Variants in SMYD3 observed in about 807,000 individuals in gnomAD.
SMYD3 encodes the protein SET and MYND domain containing 3, also known as histone-lysine N-methyltransferase SMYD3.
SMYD3 carries 36 observed loss-of-function variants against 57.7 expected under a neutral mutation model. The ratio of observed to expected loss-of-function variants is 0.62; its 90% CI spans 0.48 to 0.82. The LOEUF (loss-of-function observed/expected upper bound fraction) is 0.82. Ranked by LOEUF, SMYD3 falls within the 40% of genes least tolerant of loss-of-function variation. The probability of loss-of-function intolerance (pLI) is 0.00; values close to 1 mark genes in which losing one functional copy is unlikely to be tolerated. For missense variants in SMYD3, 515 were observed against 538.8 expected, an observed-to-expected ratio of 0.96 and a Z score of 0.44; for synonymous variants, 211 against 195.0, an observed-to-expected ratio of 1.08 and a Z score of -0.68.
intron 10 of SMYD3, among the ~76,000 whole-genome samples, chr1:245,842,496 C>A (rs9728248): frequency 0.35 from 53,095 of 151,916 alleles, 10,532 homozygotes; most frequent in East Asian, 0.86. Context: ...CTGGAAACCA[C>A]TACTCAACAG....
At chr1:246,354,830 C>A (rs1269834594) in intron 2 of SMYD3, among the ~76,000 whole-genome samples, 1 of 151,958 alleles carries the variant, frequency 6.6e-6, no homozygotes, top group Non-Finnish European at 1.5e-5. Context: ...ACACACACAC[C>A]CAATTTTTAA....
chr1:246,455,550 C>T (rs1166786148), intron 1 of SMYD3, among the ~76,000 whole-genome samples: 1 of 152,188 alleles, frequency 6.6e-6, no homozygotes, highest in Non-Finnish European at 1.5e-5. Flanking sequence ...GACACTGAGC[C>T]TCCAAATGCT....
At chr1:246,477,196 G>A (rs72760831) in intron 1 of SMYD3, among the ~76,000 whole-genome samples, 33,903 of 151,964 alleles carry the variant, frequency 0.22, 3,897 homozygotes, top group Middle Eastern at 0.29. Context: ...TCCCTTTTAA[G>A]GACTATTCAG....
chr1:246,212,367 G>A (rs1211084304), intron 5 of SMYD3, among the ~76,000 whole-genome samples: 6 of 152,010 alleles, frequency 3.9e-5, no homozygotes, highest in African/African-American at 1.5e-4. Flanking sequence ...TATGATAAAT[G>A]AGTACCATTA....
intron 5 of SMYD3, among the ~76,000 whole-genome samples, chr1:246,283,754 G>A (rs926579016): frequency 3.3e-5 from 5 of 152,054 alleles, no homozygotes; most frequent in East Asian, 1.9e-4. Context: ...CACAGAAATC[G>A]ACCAGGATCT....
At chr1:246,395,538 C>T (rs1482593987) in intron 1 of SMYD3, among the ~76,000 whole-genome samples, 1 of 151,998 alleles carries the variant, frequency 6.6e-6, no homozygotes, top group African/African-American at 2.4e-5. Flanking sequence ...ACAAGTTCCA[C>T]CTTTTTCACA....
intron 8 of SMYD3, among the ~76,000 whole-genome samples, chr1:245,889,621 A>G (rs979541372): frequency 1.5e-4 from 23 of 152,228 alleles, no homozygotes; most frequent in African/African-American, 5.3e-4. Flanking sequence ...GTGAGATTCC[A>G]AATGTGGTCT....
chr1:245,938,015 C>T (rs146302081), intron 5 of SMYD3, among the ~76,000 whole-genome samples: 67 of 152,310 alleles, frequency 4.4e-4, no homozygotes, highest in Admixed American at 1.3e-3. Flanking sequence ...AAACGTTACA[C>T]GTGAAAGGTA....
At chr1:246,206,027 G>A (rs2062994781) in intron 5 of SMYD3, among the ~76,000 whole-genome samples, 1 of 152,132 alleles carries the variant, frequency 6.6e-6, no homozygotes, top group Non-Finnish European at 1.5e-5. Flanking sequence ...CGTCTCAGCT[G>A]AGGCTTTCCC....
At chr1:246,356,121 T>TCTTA (rs1320669125) in intron 1 of SMYD3, among the ~76,000 whole-genome samples, 1 of 117,112 alleles carries the variant, frequency 8.5e-6, no homozygotes, top group Non-Finnish European at 2.0e-5. Flanking sequence ...ATCACAGGAC[T>TCTTA]CTTAGCAGTC....
chr1:245,849,629 CTTTAT>C (rs953919391), intron 10 of SMYD3, among the ~76,000 whole-genome samples: 3 of 149,378 alleles, frequency 2.0e-5, no homozygotes, highest in Non-Finnish European at 3.0e-5. Context: ...TATTTACCAT[CTTTAT>C]TTTATTTATT....
intron 5 of SMYD3, among the ~76,000 whole-genome samples, chr1:246,285,834 C>T (rs1435648960): frequency 2.0e-5 from 3 of 151,836 alleles, no homozygotes; most frequent in Non-Finnish European, 2.9e-5. Flanking sequence ...GCTAAGGATA[C>T]GAATAGACAA....
intron 10 of SMYD3, among the ~76,000 whole-genome samples, chr1:245,771,155 C>G (rs1336169847): frequency 6.6e-6 from 1 of 151,846 alleles, no homozygotes; most frequent in Non-Finnish European, 1.5e-5. Context: ...TACATACATA[C>G]ATACATATGG....
chr1:246,279,674 T>C (rs895438691), intron 5 of SMYD3, among the ~76,000 whole-genome samples: 9 of 152,068 alleles, frequency 5.9e-5, no homozygotes, highest in African/African-American at 9.7e-5. Flanking sequence ...ATGCAGACTA[T>C]TGAACAGGGA....
intron 5 of SMYD3, among the ~76,000 whole-genome samples, chr1:245,990,128 G>A (rs2058785731): frequency 6.6e-6 from 1 of 152,138 alleles, no homozygotes; most frequent in Non-Finnish European, 1.5e-5. Context: ...GGAGTGCAGT[G>A]GTGTGATCAT....
chr1:245,824,811 G>C (rs933915746), intron 10 of SMYD3, among the ~76,000 whole-genome samples: 2 of 147,724 alleles, frequency 1.4e-5, no homozygotes, highest in African/African-American at 2.5e-5. Context: ...GGCCGAGATC[G>C]CACCATTGCA....
At chr1:245,924,868 C>T (rs1037974725) in intron 7 of SMYD3, among the ~76,000 whole-genome samples, 7 of 151,754 alleles carry the variant, frequency 4.6e-5, no homozygotes, top group African/African-American at 1.7e-4. Flanking sequence ...TTCACCATGT[C>T]GGCCAGGCTG....
chr1:246,024,396 G>T (rs2059536543), intron 5 of SMYD3, among the ~76,000 whole-genome samples: 1 of 12,776 alleles, frequency 7.8e-5, no homozygotes, highest in Non-Finnish European at 1.8e-4. Context: ...GAAGTGGACA[G>T]CATCTAGGAA....
At chr1:245,965,971 G>A (rs2058135208) in intron 5 of SMYD3, among the ~76,000 whole-genome samples, 1 of 152,120 alleles carries the variant, frequency 6.6e-6, no homozygotes, top group Non-Finnish European at 1.5e-5. Flanking sequence ...GGAGATAGGG[G>A]TGGGGCAGGG....
Sources: allele counts gnomAD v4.1 joint callset (sites outside exome capture counted in the v4.1 genomes callset), GRCh38; gene constraint gnomAD v4.1.1; transcripts MANE v1.5; gene names NCBI Gene and HGNC (gene_info 2026-07-23, HGNC 2026-07-21).